BLVRB: variants seen among roughly 807,000 people sequenced by gnomAD.
BLVRB encodes the protein flavin reductase (NADPH).
BLVRB carries 25 observed loss-of-function variants against 21.1 expected under a neutral mutation model. That is an observed-to-expected ratio of 1.19 (90% CI 0.86 to 1.66). The LOEUF (loss-of-function observed/expected upper bound fraction) is 1.66, where lower values mean the gene tolerates loss of function less well. Ranked by LOEUF, BLVRB falls within the 40% of genes most tolerant of loss-of-function variation. BLVRB has a pLI of 0.00. For missense variants in BLVRB, 274 were observed against 282.7 expected (o/e 0.97, Z 0.22); for synonymous variants, 128 against 122.2 (o/e 1.05, Z -0.31).
intron 3 of BLVRB, among the ~76,000 whole-genome samples, chr19:40,453,887 A>G (rs2079751010): frequency 6.6e-6 from 1 of 152,184 alleles, no homozygotes. Context: ...TAGAAGGCTG[A>G]GGCGAGAGGA....
intron 4 of BLVRB, 40 bp from the exon 5 acceptor site, chr19:40,448,086 C>G: frequency 6.3e-7 from 1 of 1,580,260 alleles, no homozygotes; most frequent in Non-Finnish European, 8.7e-7. Context: ...AAAGCAGACA[C>G]CTTTCCCTTC....
rs370858786 is a variant in BLVRB, at chr19:40,465,593, C to A, written c.79+17G>T. On this transcript the variant is annotated intron_variant, in intron 1 of 4. Coordinates refer to ENST00000263368, the MANE Select transcript of BLVRB (RefSeq NM_000713.3). ...CCCGTCTGTCCCGTGACATGCCCCGCCCGCCCCGGCTCATGCCTGCTTGCA... is the reference window on the plus strand; with the variant it reads ...CCCGTCTGTCCCGTGACATGCCCCGACCGCCCCGGCTCATGCCTGCTTGCA... The A allele has an allele frequency of 6.6e-5, 106 of 1,606,264 alleles. No homozygotes were observed. The highest frequency in any genetic ancestry group is 7.0e-5 in the Non-Finnish European group (82 of 1,177,668).
chr19:40,447,895 G>A lies in BLVRB; in HGVS notation c.615C>T (p.Tyr205=), dbSNP rs200609801. ...DGHSTYPSHQ[Y]Q The stretch of plus-strand genomic sequence containing the variant: ...CCCAGATGGGGACAGAGTGCTACTG[G>A]TACTGGTGGGAGGGGTAGGTGCTGT... Residue 205 remains tyrosine (Y), a synonymous_variant, in exon 5 of 5, where the codon TAC becomes TAT. Transcript: ENST00000263368. 1.2e-6 allele frequency: 2 copies of A among 1,613,736 alleles called. No individual in the cohort carries two copies. The highest frequency in any genetic ancestry group is 1.7e-6 in the Non-Finnish European group (2 of 1,179,750).
intron 1 of BLVRB, among the ~76,000 whole-genome samples, chr19:40,464,887 T>G (rs2079803903): frequency 6.6e-6 from 1 of 152,096 alleles, no homozygotes; most frequent in Non-Finnish European, 1.5e-5. Context: ...TGGGAGTTGG[T>G]CAAGTCTGGG....
At chr19:40,454,915 C>T (rs995885477) in intron 3 of BLVRB, among the ~76,000 whole-genome samples, 4 of 152,106 alleles carry the variant, frequency 2.6e-5, no homozygotes, top group Non-Finnish European at 4.4e-5. Flanking sequence ...CATCACGGCT[C>T]ACTGCAACCT....
intron 4 of BLVRB, chr19:40,450,096 G>A (rs941339636): frequency 6.7e-6 from 1 of 150,206 alleles, no homozygotes; most frequent in Non-Finnish European, 1.5e-5. Context: ...TATTCGGGGG[G>A]CTGAGGCAGG....
chr19:40,451,452 C>T lies in BLVRB; in HGVS notation c.375G>A (p.Leu125=). 1.2e-6 allele frequency: 2 copies of T among 1,613,182 alleles called. No individual in the cohort carries two copies. Among genetic ancestry groups the T allele is most frequent in the South Asian group, 1.1e-5 (1 of 90,856 alleles). ...GGATGTGGTCATCAGTCACAGCCTG[C>T]AGTCGTGGGGGCACCTTGGTAGGGT... ...LWDPTKVPPR[L]QAVTDDHIRM... Residue 125 remains leucine (L), a synonymous_variant, in exon 4 of 5, where the codon CTG becomes CTA. Coordinates refer to ENST00000263368, the MANE Select transcript of BLVRB (RefSeq NM_000713.3).
intron 3 of BLVRB, among the ~76,000 whole-genome samples, chr19:40,453,945 G>T (rs28427504): frequency 6.6e-6 from 1 of 152,040 alleles, no homozygotes; most frequent in Non-Finnish European, 1.5e-5. Context: ...TGATTGCACC[G>T]CTGCACTCCA....
intron 1 of BLVRB, among the ~76,000 whole-genome samples, 197 bp from the exon 2 acceptor site, chr19:40,458,742 G>A (rs980876639): frequency 3.3e-5 from 5 of 152,078 alleles, no homozygotes; most frequent in African/African-American, 1.2e-4. Flanking sequence ...TGCCCAGGCT[G>A]CTGTGCAATG....
chr19:40,459,951 A>G (rs900689257), intron 1 of BLVRB, among the ~76,000 whole-genome samples: 7 of 152,172 alleles, frequency 4.6e-5, no homozygotes, highest in Non-Finnish European at 1.0e-4. Context: ...TGGTCCTGGA[A>G]GAAACTGAGG....
intron 3 of BLVRB, among the ~76,000 whole-genome samples, chr19:40,453,980 G>T (rs190342756): frequency 9.2e-4 from 140 of 152,266 alleles, no homozygotes; most frequent in Non-Finnish European, 1.3e-3. Context: ...GCAAGACCTT[G>T]TCTCAACAAA....
intron 4 of BLVRB, among the ~76,000 whole-genome samples, chr19:40,450,923 CATGGCGGGGCATGGTGATGCAGGCCTGTA>C (rs78110094): frequency 0.12 from 17,736 of 151,552 alleles, 1,100 homozygotes; most frequent in South Asian, 0.16. Context: ...AAATGTAAGC[CATGGCGGGGCATGGTGATGCAGGCCTGTA>C]ATCCCAGCTA....
chr19:40,449,176 T>A (rs1173045214), intron 4 of BLVRB, among the ~76,000 whole-genome samples: 1 of 152,018 alleles, frequency 6.6e-6, no homozygotes, highest in Non-Finnish European at 1.5e-5. Flanking sequence ...ATCCAGAATG[T>A]GGGCCTTTAA....
intron 1 of BLVRB, among the ~76,000 whole-genome samples, chr19:40,459,327 CAAAAAAAAAAAAAAAAAAAAAA>C (rs751696189): frequency 1.2e-4 from 4 of 34,398 alleles, no homozygotes; most frequent in African/African-American, 3.2e-4. Flanking sequence ...GACTCTATCT[CAAAAAAAAAAAAAAAAAAAAAA>C]AAAAAAAAAA....
At chr19:40,460,472 A>G (rs2079782373) in intron 1 of BLVRB, among the ~76,000 whole-genome samples, 1 of 151,130 alleles carries the variant, frequency 6.6e-6, no homozygotes, top group Admixed American at 6.6e-5. Context: ...TGCAAAAAAA[A>G]TAAAAAAAAT....
In BLVRB at chr19:40,465,598, C is replaced by T. The variant is rs1393635424; in HGVS notation, c.79+12G>A. The T allele has an allele frequency of 4.4e-6, 7 of 1,609,142 alleles. No individual in the cohort carries two copies. The highest frequency in any genetic ancestry group is 2.7e-5 in the African/African-American group (2 of 74,866). ...CTGTCCCGTGACATGCCCCGCCCGC[C>T]CCGGCTCATGCCTGCTTGCACCGCC... On this transcript the variant is annotated intron_variant, in intron 1 of 4. Coordinates refer to ENST00000263368, the MANE Select transcript of BLVRB (RefSeq NM_000713.3).
chr19:40,454,969 GT>G (rs1485387401), intron 3 of BLVRB, among the ~76,000 whole-genome samples: 3 of 152,064 alleles, frequency 2.0e-5, no homozygotes, highest in African/African-American at 7.3e-5. Flanking sequence ...AGCTTCCCAA[GT>G]ATTGGGGACC....
At chr19:40,455,598 T>C (rs1480273908) in intron 3 of BLVRB, among the ~76,000 whole-genome samples, 1 of 152,202 alleles carries the variant, frequency 6.6e-6, no homozygotes, top group Admixed American at 6.6e-5. Flanking sequence ...CTCAGGAGGC[T>C]GAGGCAGGAG....
At chr19:40,454,227 C>A (rs1400368471) in intron 3 of BLVRB, among the ~76,000 whole-genome samples, 2 of 151,382 alleles carry the variant, frequency 1.3e-5, no homozygotes, top group African/African-American at 2.4e-5. Context: ...CTACAAGTTT[C>A]AAGTGATTCT....
Sources: allele counts gnomAD v4.1 joint callset (sites outside exome capture counted in the v4.1 genomes callset), GRCh38; gene constraint gnomAD v4.1.1; transcripts MANE v1.5; gene names NCBI Gene and HGNC (gene_info 2026-07-23, HGNC 2026-07-21).